Variants in SGCZ observed in about 807,000 individuals in gnomAD.
SGCZ encodes sarcoglycan zeta.
A neutral mutation model predicts 41.3 loss-of-function variants in SGCZ; 40 were observed. The ratio of observed to expected loss-of-function variants is 0.97; its 90% confidence interval spans 0.75 to 1.26. SGCZ has a LOEUF of 1.26. Ranked by LOEUF, SGCZ falls within the 50% of genes most tolerant of loss-of-function variation. The pLI, the probability that SGCZ is intolerant of heterozygous loss-of-function variation, is 0.00. For synonymous variants in SGCZ, 206 were observed against 137.5 expected (o/e 1.50, Z -3.49); for missense variants, 552 against 369.8 (o/e 1.49, Z -4.04).
chr8:14,470,761 C>G (rs1801191742), intron 2 of SGCZ, among the ~76,000 whole-genome samples: 1 of 152,138 alleles, frequency 6.6e-6, no homozygotes, highest in African/African-American at 2.4e-5. Context: ...TGAAATCACT[C>G]TCTTGGAAAG....
intron 1 of SGCZ, among the ~76,000 whole-genome samples, chr8:15,128,265 G>A (rs1042763473): frequency 2.0e-5 from 3 of 151,964 alleles, no homozygotes; most frequent in African/African-American, 7.3e-5. Flanking sequence ...GTGATGTCTT[G>A]GTTACTCTAA....
At chr8:14,652,832 T>C (rs1174352434) in intron 1 of SGCZ, among the ~76,000 whole-genome samples, 1 of 152,102 alleles carries the variant, frequency 6.6e-6, no homozygotes, top group Non-Finnish European at 1.5e-5. Context: ...AATAGACAAG[T>C]CTACAATGAA....
At chr8:14,956,722 C>T (rs959585544) in intron 1 of SGCZ, among the ~76,000 whole-genome samples, 12 of 152,078 alleles carry the variant, frequency 7.9e-5, no homozygotes, top group African/African-American at 2.7e-4. Context: ...ATTCACATTT[C>T]CTTGATGGTC....
At chr8:14,763,615 T>C (rs1313780073) in intron 1 of SGCZ, among the ~76,000 whole-genome samples, 1 of 152,170 alleles carries the variant, frequency 6.6e-6, no homozygotes, top group East Asian at 1.9e-4. Context: ...AAAGTTTACG[T>C]AATGATCATG....
chr8:14,268,876 C>T (rs901587311), intron 3 of SGCZ, among the ~76,000 whole-genome samples: 4 of 151,572 alleles, frequency 2.6e-5, no homozygotes, highest in African/African-American at 9.7e-5. Context: ...TTGACTATAA[C>T]TTAAAGAGAA....
intron 1 of SGCZ, among the ~76,000 whole-genome samples, chr8:14,786,034 A>AAAAATAAAGGGGATATATCCCC (rs1800756340): frequency 2.3e-5 from 3 of 131,688 alleles, no homozygotes; most frequent in African/African-American, 1.1e-4. Flanking sequence ...TATCCCCTTT[A>AAAAATAAAGGGGATATATCCCC]TTTTTAAGAC....
At chr8:15,138,649 CA>C (rs753698765) in intron 1 of SGCZ, among the ~76,000 whole-genome samples, 4 of 152,166 alleles carry the variant, frequency 2.6e-5, no homozygotes, top group Non-Finnish European at 4.4e-5. Flanking sequence ...TCTCTCCTGC[CA>C]CCCTGTGAAG....
chr8:14,430,570 A>ATAAT (rs1799915901), intron 2 of SGCZ, among the ~76,000 whole-genome samples: 2 of 152,128 alleles, frequency 1.3e-5, no homozygotes, highest in African/African-American at 4.8e-5. Context: ...CCCGTATAAC[A>ATAAT]AACCCACGGC....
At chr8:14,421,822 T>C (rs956819216) in intron 2 of SGCZ, among the ~76,000 whole-genome samples, 21 of 152,142 alleles carry the variant, frequency 1.4e-4, no homozygotes, top group Admixed American at 3.9e-4. Flanking sequence ...CTAAATTTTA[T>C]AATCGAAAGG....
chr8:14,786,486 A>G (rs1305072998), intron 1 of SGCZ, among the ~76,000 whole-genome samples: 1 of 152,180 alleles, frequency 6.6e-6, no homozygotes, highest in Non-Finnish European at 1.5e-5. Context: ...GTACCATGAT[A>G]CAACGTACAT....
At chr8:14,205,524 G>A (rs978682893) in intron 4 of SGCZ, among the ~76,000 whole-genome samples, 1 of 152,106 alleles carries the variant, frequency 6.6e-6, no homozygotes, top group African/African-American at 2.4e-5. Context: ...TCCACTGTTT[G>A]TTATTTAAGG....
chr8:15,109,481 G>T (rs1806962971), intron 1 of SGCZ, among the ~76,000 whole-genome samples: 1 of 152,104 alleles, frequency 6.6e-6, no homozygotes, highest in Admixed American at 6.5e-5. Context: ...AAGGATCACA[G>T]AATGTTGAGA....
intron 1 of SGCZ, among the ~76,000 whole-genome samples, chr8:14,808,422 G>C (rs1049959708): frequency 1.3e-5 from 2 of 152,138 alleles, no homozygotes; most frequent in African/African-American, 4.8e-5. Flanking sequence ...AGTGGGCAAA[G>C]GACGTGAACA....
At chr8:14,558,613 A>AGAGAGAGAGAGAGAGAGAGAGAG (rs59852253) in intron 1 of SGCZ, among the ~76,000 whole-genome samples, 10 of 148,536 alleles carry the variant, frequency 6.7e-5, no homozygotes, top group Non-Finnish European at 1.0e-4. Flanking sequence ...AGAGAGAGAG[A>AGAGAGAGAGAGAGAGAGAGAGAG]ATCTTCCATA....
At chr8:14,424,552 A>G (rs1336794504) in intron 2 of SGCZ, among the ~76,000 whole-genome samples, 2 of 152,180 alleles carry the variant, frequency 1.3e-5, no homozygotes. Flanking sequence ...TGGTACCATA[A>G]TGTACATTAT....
chr8:14,717,358 C>G (rs1809725489), intron 1 of SGCZ, among the ~76,000 whole-genome samples: 1 of 152,078 alleles, frequency 6.6e-6, no homozygotes, highest in Non-Finnish European at 1.5e-5. Context: ...CCTTTACTTT[C>G]TGAAACTTAC....
At chr8:14,921,710 C>CA (rs1465414328) in intron 1 of SGCZ, among the ~76,000 whole-genome samples, 2 of 151,982 alleles carry the variant, frequency 1.3e-5, no homozygotes, top group African/African-American at 2.4e-5. Flanking sequence ...TAGTAACAGT[C>CA]AAAAAATTGA....
chr8:14,230,209 T>A (rs559742618), intron 4 of SGCZ, among the ~76,000 whole-genome samples: 1 of 152,008 alleles, frequency 6.6e-6, no homozygotes, highest in East Asian at 1.9e-4. Context: ...TTATTTAGAC[T>A]TGGAACAGAA....
chr8:15,034,798 G>C (rs969545034), intron 1 of SGCZ, among the ~76,000 whole-genome samples: 12 of 151,946 alleles, frequency 7.9e-5, no homozygotes, highest in African/African-American at 2.9e-4. Flanking sequence ...AAGAGAGAGT[G>C]GAATGATATA....
Sources: allele counts gnomAD v4.1 joint callset (sites outside exome capture counted in the v4.1 genomes callset), GRCh38; gene constraint gnomAD v4.1.1; transcripts MANE v1.5; gene names NCBI Gene and HGNC (gene_info 2026-07-23, HGNC 2026-07-21).